Variants in ATP5MG observed in about 807,000 individuals in gnomAD.
ATP5MG encodes the protein ATP synthase membrane subunit g, also known as ATP synthase F(0) complex subunit g, mitochondrial.
In ATP5MG, 7 loss-of-function variants were observed where a neutral mutation model predicts 12.7. The observed-to-expected ratio is 0.55, with a 90% CI of 0.31 to 1.04. ATP5MG has a LOEUF of 1.04. ATP5MG is among the 50% of genes least tolerant of loss of function. The probability of loss-of-function intolerance (pLI) is 0.05; values close to 1 mark genes in which losing one functional copy is unlikely to be tolerated. For missense variants in ATP5MG, 116 were observed against 126.7 expected (o/e 0.92, Z 0.41); for synonymous variants, 53 against 48.2 (o/e 1.10, Z -0.41).
rs1591318018 is a variant in ATP5MG, at chr11:118,407,053, G to A, written c.169G>A (p.Val57Ile). 1.2e-6 allele frequency: 2 copies of A among 1,614,148 alleles called. No individual in the cohort carries two copies. Among genetic ancestry groups the A allele is most frequent in the Non-Finnish European group, 8.5e-7 (1 of 1,180,026 alleles). Residue 57 changes from valine to isoleucine, a missense_variant, in exon 2 of 3, where the codon GTC becomes ATC. Coordinates refer to ENST00000300688, the MANE Select transcript of ATP5MG (RefSeq NM_006476.5). Reference sequence around the variant, plus strand: ...AGCTATTCAGAGCCTGAAAAAAATAGTCAATAGTGCTCAGACTGGTAGCTT... The same window carrying A: ...AGCTATTCAGAGCCTGAAAAAAATAATCAATAGTGCTCAGACTGGTAGCTT... The part of the protein sequence containing the change: ...PRAIQSLKKI[V>I]NSAQTGSFKQ...
intron 1 of ATP5MG, among the ~76,000 whole-genome samples, chr11:118,402,516 T>C (rs1948936615): frequency 6.6e-6 from 1 of 152,128 alleles, no homozygotes. Context: ...ATAAGCTAAA[T>C]TGACGTAAGT....
intron 1 of ATP5MG, among the ~76,000 whole-genome samples, chr11:118,402,701 T>C (rs1555131343): frequency 6.7e-6 from 1 of 149,814 alleles, no homozygotes; most frequent in Admixed American, 6.6e-5. Context: ...TCTTTCTTTT[T>C]TTTTTTTTTT....
At position 118,406,973 on chromosome 11, in the gene ATP5MG, T is replaced by A. The variant is rs781915602; in HGVS notation, c.89T>A (p.Phe30Tyr). The A allele has an allele frequency of 1.2e-6, 2 of 1,613,518 alleles. No individual in the cohort carries two copies. Among genetic ancestry groups the A allele is most frequent in the African/African-American group, 2.7e-5 (2 of 74,912 alleles). ...TACTCGAAGCCTCGATTGGCCACAT[T>A]TTGGTACTACGCCAAGGTTGAGCTG... ...VTYSKPRLAT[F>Y]WYYAKVELVP... Residue 30 changes from phenylalanine (F) to tyrosine (Y), a missense_variant, in exon 2 of 3, where the codon TTT becomes TAT. Transcript: ENST00000300688.
At position 118,401,637 on chromosome 11, in the gene ATP5MG, C is replaced by T. The variant is rs782398601; in HGVS notation, c.-29C>T. On this transcript the variant is annotated 5_prime_UTR_variant, in exon 1 of 3. Transcript: ENST00000300688. ...GGCGGGTGACATTCAGCCGGCGGTTCGGGGCGACGGACTCTCCATTCCAGA... is the reference window on the plus strand; with the variant it reads ...GGCGGGTGACATTCAGCCGGCGGTTTGGGGCGACGGACTCTCCATTCCAGA... 1.9e-6 allele frequency: 3 copies of T among 1,613,898 alleles called. No individual in the cohort carries two copies. The highest frequency in any genetic ancestry group is 1.1e-5 in the South Asian group (1 of 91,050).
At position 118,402,636 on chromosome 11, in the gene ATP5MG, A is replaced by G. The variant is rs919426973; in HGVS notation, c.52+919A>G. Among the ~76,000 whole-genome samples the G allele has an allele frequency of 3.3e-5, 5 of 151,594 alleles. No individual in the cohort carries two copies. The South Asian group carries it at 1.0e-3, about 32-fold the overall frequency. On this transcript the variant is annotated intron_variant, in intron 1 of 2. Transcript: ENST00000300688. ...AGCAGAACTTCAAAAAAAATGTAAT[A>G]CTTTCTAGCCTATTTTGCTGTGTTT... is the stretch of plus-strand genomic sequence containing the variant.
chr11:118,408,798 A>G (rs1211424969), intron 2 of ATP5MG, among the ~76,000 whole-genome samples: 1 of 152,120 alleles, frequency 6.6e-6, no homozygotes, highest in African/African-American at 2.4e-5. Flanking sequence ...TACAAAATTG[A>G]AAGTTCAAGG....
intron 1 of ATP5MG, 41 bp from the exon 2 acceptor site, chr11:118,406,896 G>C: frequency 6.4e-7 from 1 of 1,552,624 alleles, no homozygotes; most frequent in Non-Finnish European, 8.7e-7. Flanking sequence ...TCTCTAGTGA[G>C]TTCATCCTGG....
chr11:118,406,893 T>C, intron 1 of ATP5MG, 44 bp from the exon 2 acceptor site: 1 of 1,551,084 alleles, frequency 6.4e-7, no homozygotes, highest in South Asian at 1.2e-5. Context: ...CGGTCTCTAG[T>C]GAGTTCATCC....
In ATP5MG at chr11:118,406,947, T is replaced by A; in HGVS notation, c.63T>A (p.Thr21=). ...TGTTTTGTTTTCCAGCTGCTGTGAC[T>A]TACTCGAAGCCTCGATTGGCCACAT... is the stretch of plus-strand genomic sequence containing the variant. ...KTPALVNAAV[T]YSKPRLATFW... Residue 21 remains threonine (T), a synonymous_variant, in exon 2 of 3, where the codon ACT becomes ACA. Transcript: ENST00000300688. 1 of 1,607,572 alleles carries A rather than the reference T, an allele frequency of 6.2e-7. No individual in the cohort carries two copies. Among genetic ancestry groups the A allele is most frequent in the Non-Finnish European group, 8.5e-7 (1 of 1,176,908 alleles).
At chr11:118,402,090 T>C (rs1948932712) in intron 1 of ATP5MG, among the ~76,000 whole-genome samples, 1 of 152,086 alleles carries the variant, frequency 6.6e-6, no homozygotes, top group Non-Finnish European at 1.5e-5. Context: ...GGCAGAAACG[T>C]GAAAGTAAAT....
At position 118,405,554 on chromosome 11, in the gene ATP5MG, T is replaced by A. The variant is rs562343345; in HGVS notation, c.53-1383T>A. On this transcript the variant is annotated intron_variant, in intron 1 of 2. Coordinates refer to ENST00000300688, the MANE Select transcript of ATP5MG (RefSeq NM_006476.5). Reference sequence around the variant, plus strand: ...TATTGTTTATGTACAGTATACTGATTCATTTTTTTTTTAAGGATGAAATGT... The same window carrying A: ...TATTGTTTATGTACAGTATACTGATACATTTTTTTTTTAAGGATGAAATGT... 4.6e-5 allele frequency: 31 copies of A among 668,212 alleles called. 2 individuals carry two copies. In the South Asian group the frequency reaches 1.9e-3, roughly 42 times the overall value. The allele number at this position is 668,212 out of a possible 1,614,324, so 41.4% of individuals were successfully genotyped here.
Position 118,409,263 on chromosome 11 carries a change from T to TC in ATP5MG, c.*165_*166insC. The TC allele has an allele frequency of 2.5e-6, 1 of 402,236 alleles. No homozygotes were observed. The highest frequency in any genetic ancestry group is 4.3e-6 in the Non-Finnish European group (1 of 233,600). The allele number at this position is 402,236 out of a possible 1,614,324, so 24.9% of individuals were successfully genotyped here. On this transcript the variant is annotated 3_prime_UTR_variant, in exon 3 of 3. Coordinates refer to ENST00000300688, the MANE Select transcript of ATP5MG (RefSeq NM_006476.5). Reference sequence around the variant, plus strand: ...CAATTTCTCTTGATATTAAGCTGGGTTGTCTTTAAACAACCCTAAATACAC... The same window carrying TC: ...CAATTTCTCTTGATATTAAGCTGGGTCTGTCTTTAAACAACCCTAAATACAC...
intron 1 of ATP5MG, chr11:118,405,571 A>T: frequency 1.3e-6 from 1 of 789,944 alleles, no homozygotes; most frequent in Admixed American, 6.2e-5. Flanking sequence ...TTTTTTAAGG[A>T]TGAAATGTCT....
At position 118,404,397 on chromosome 11, in the gene ATP5MG, A is replaced by G. The variant is rs139684512; in HGVS notation, c.53-2540A>G. On this transcript the variant is annotated intron_variant, in intron 1 of 2. Transcript: ENST00000300688. Reference sequence around the variant, plus strand: ...TGCATTTAGTTTCTATGTCTTCCCAATCTCCTCTGGTCTGGGACAGTTTCC... The same window carrying G: ...TGCATTTAGTTTCTATGTCTTCCCAGTCTCCTCTGGTCTGGGACAGTTTCC... Among the ~76,000 whole-genome samples, 434 of 152,252 alleles carry G rather than the reference A, an allele frequency of 2.9e-3. 2 individuals carry two copies. Among genetic ancestry groups the G allele is most frequent in the African/African-American group, 9.8e-3 (407 of 41,532 alleles).
intron 2 of ATP5MG, chr11:118,407,334 G>T: frequency 1.8e-6 from 1 of 550,208 alleles, no homozygotes; most frequent in Non-Finnish European, 2.9e-6. Flanking sequence ...GCAAAAAAGT[G>T]ACCATTTTTA....
At chr11:118,407,890 C>T (rs1240615913) in intron 2 of ATP5MG, among the ~76,000 whole-genome samples, 2 of 151,452 alleles carry the variant, frequency 1.3e-5, no homozygotes, top group Non-Finnish European at 2.9e-5. Context: ...AGGCTGGGCG[C>T]AGTGGCTCAC....
At chr11:118,403,655 T>C (rs1267954783) in intron 1 of ATP5MG, among the ~76,000 whole-genome samples, 2 of 151,632 alleles carry the variant, frequency 1.3e-5, no homozygotes, top group African/African-American at 2.4e-5. Context: ...TAGCCGGGCA[T>C]GGTGGCAGGC....
chr11:118,402,693 TTTC>T (rs1196705121), intron 1 of ATP5MG, among the ~76,000 whole-genome samples: 20 of 143,976 alleles, frequency 1.4e-4, no homozygotes, highest in African/African-American at 4.8e-4. Context: ...TTTTTCTTTC[TTTC>T]TTTTTTTTTT....
At chr11:118,407,249 C>T (rs1267138021) in intron 2 of ATP5MG, 152 bp downstream of exon 2, 1 of 1,169,708 alleles carries the variant, frequency 8.5e-7, no homozygotes, top group Non-Finnish European at 1.2e-6. Flanking sequence ...AAGATACTTA[C>T]TTTTCTAATT....
Sources: allele counts gnomAD v4.1 joint callset (sites outside exome capture counted in the v4.1 genomes callset), GRCh38; gene constraint gnomAD v4.1.1; transcripts MANE v1.5; gene names NCBI Gene and HGNC (gene_info 2026-07-23, HGNC 2026-07-21).